WDR4: variants seen among roughly 807,000 people sequenced by gnomAD.
WDR4 encodes the protein WDR4 tRNA N7-guanosine methyltransferase non-catalytic subunit, also known as tRNA (guanine-N(7)-)-methyltransferase non-catalytic subunit WDR4.
Under a neutral mutation model 48.6 loss-of-function variants are expected in WDR4, and 47 were observed. The ratio of observed to expected loss-of-function variants is 0.97; its 90% CI spans 0.77 to 1.23. The LOEUF is 1.23. Ranked by LOEUF, WDR4 falls within the 50% of genes most tolerant of loss-of-function variation. WDR4 has a pLI of 0.00. For missense variants in WDR4, 606 were observed against 551.6 expected (o/e 1.10, Z -0.99); for synonymous variants, 268 against 230.0 (o/e 1.17, Z -1.49).
intron 10 of WDR4, 96 bp from the exon 11 acceptor site, chr21:42,850,338 C>A: frequency 8.5e-7 from 1 of 1,174,734 alleles, no homozygotes; most frequent in Non-Finnish European, 1.2e-6. Context: ...TACCTCGTGA[C>A]TCCCAGAGTC....
downstream of WDR4, among the ~76,000 whole-genome samples, chr21:42,846,009 GCAGTCC>G (rs2057708546): frequency 6.6e-6 from 1 of 152,074 alleles, no homozygotes; most frequent in Non-Finnish European, 1.5e-5. Context: ...GCACACACCT[GCAGTCC>G]CAGCTACTCA....
upstream of WDR4, among the ~76,000 whole-genome samples, chr21:42,884,428 C>T (rs962346740): frequency 1.3e-5 from 2 of 152,018 alleles, no homozygotes; most frequent in Non-Finnish European, 2.9e-5. Context: ...GTGGGTGGAT[C>T]ACAAGGTCAG....
In WDR4 at chr21:42,863,961, G is replaced by A. The variant is rs78972923; in HGVS notation, c.297-365C>T. On this transcript the variant is annotated intron_variant, in intron 3 of 10. Coordinates refer to ENST00000398208, the MANE Select transcript of WDR4 (RefSeq NM_018669.6). Reference sequence around the variant, plus strand: ...TCTCTACTAAAAATACAAAAAATTAGCCAGGCGTGGTGGCGGGCGCCTGTA... The same window carrying A: ...TCTCTACTAAAAATACAAAAAATTAACCAGGCGTGGTGGCGGGCGCCTGTA... Among the ~76,000 whole-genome samples, 6 of 82,874 alleles carry A rather than the reference G, an allele frequency of 7.2e-5. 2 individuals are homozygous for A. Among genetic ancestry groups the A allele is most frequent in the African/African-American group, 1.9e-4 (2 of 10,300 alleles). The allele number at this position is 82,874 out of a possible 152,430, so 54.4% of individuals were successfully genotyped here.
chr21:42,890,467 C>T, the WDR4 span, among the ~76,000 whole-genome samples: 1 of 151,856 alleles, frequency 6.6e-6, no homozygotes, highest in Non-Finnish European at 1.5e-5. Context: ...ACCCAGGAGG[C>T]GGAGGTTTCA....
At chr21:42,879,638 G>A (rs1182322948), upstream of WDR4, 2 of 1,065,846 alleles carry the variant, frequency 1.9e-6, no homozygotes, top group Non-Finnish European at 1.3e-6. Context: ...CCTGCCTTGA[G>A]CATGCGTGAA....
chr21:42,888,436 G>A, the WDR4 span, among the ~76,000 whole-genome samples: 2 of 152,102 alleles, frequency 1.3e-5, no homozygotes, highest in African/African-American at 4.8e-5. Flanking sequence ...CTGTGCACCT[G>A]TAGTCCCAGC....
At chr21:42,882,081 G>A (rs1005997965), upstream of WDR4, among the ~76,000 whole-genome samples, 3 of 151,856 alleles carry the variant, frequency 2.0e-5, no homozygotes, top group Non-Finnish European at 2.9e-5. Context: ...GATTACAGGC[G>A]TGATCCATGA....
At chr21:42,856,364 CTCTT>C (rs973492740) in intron 6 of WDR4, among the ~76,000 whole-genome samples, 7 of 152,188 alleles carry the variant, frequency 4.6e-5, no homozygotes, top group African/African-American at 1.7e-4. Flanking sequence ...AAAAGCGTTT[CTCTT>C]TTTTTTCTTG....
Position 42,862,717 on chromosome 21 carries a change from A to G in WDR4, c.454-323T>C, listed in dbSNP as rs914192. Among the ~76,000 whole-genome samples the G allele has an allele frequency of 0.56, 84,392 of 151,946 alleles. 24,316 individuals carry two copies. Among genetic ancestry groups the G allele is most frequent in the African/African-American group, 0.7 (29,032 of 41,456 alleles). On this transcript the variant is annotated intron_variant, in intron 4 of 10. Transcript: ENST00000398208. This position sits in a 1 kb window ranked among gnomAD's most constrained non-coding sequence, Gnocchi z 4.3. ...GGCCCCACGCCCATTTCCACCCGCC[A>G]CAGGCCTGCTGCACCCTCCTGCCCA...
chr21:42,867,927 G>A (rs955256035), intron 3 of WDR4, among the ~76,000 whole-genome samples: 6 of 152,026 alleles, frequency 3.9e-5, no homozygotes, highest in African/African-American at 1.4e-4. Context: ...TTCAAAAGAC[G>A]AGTCAACACA....
chr21:42,868,505 G>C (rs2058299246), intron 3 of WDR4, among the ~76,000 whole-genome samples: 1 of 152,184 alleles, frequency 6.6e-6, no homozygotes, highest in African/African-American at 2.4e-5. Context: ...GCCAGACCCA[G>C]CCTCCCCTAC....
chr21:42,877,750 A>C (rs922559876), intron 1 of WDR4, among the ~76,000 whole-genome samples: 1 of 152,210 alleles, frequency 6.6e-6, no homozygotes, highest in African/African-American at 2.4e-5. Flanking sequence ...CGACATGGTT[A>C]TAAGAAATTA....
chr21:42,879,361 G>C lies in WDR4; in HGVS notation c.89+46C>G, dbSNP rs553033322. 2.5e-6 allele frequency: 4 copies of C among 1,597,128 alleles called. No homozygotes were observed. The South Asian group carries it at 4.4e-5, about 18-fold the overall frequency. On this transcript the variant is annotated intron_variant, in intron 1 of 10. Coordinates refer to ENST00000398208, the MANE Select transcript of WDR4 (RefSeq NM_018669.6). ...AAGCGGGGTCGCCAGGACCCGACGCGCGCCCGCAGCCTGGTCTCCCTGTTC... is the reference window on the plus strand; with the variant it reads ...AAGCGGGGTCGCCAGGACCCGACGCCCGCCCGCAGCCTGGTCTCCCTGTTC...
rs2057770579 is a variant in WDR4 at position 42,849,799 on chromosome 21, A to C, written c.*250T>G. The C allele has an allele frequency of 2.2e-5, 10 of 450,910 alleles. No homozygotes were observed. The South Asian group carries it at 2.9e-4, about 13-fold the overall frequency. The allele number at this position is 450,910 out of a possible 1,614,324, so 27.9% of individuals were successfully genotyped here. ...CACACGCAGCCTCCGACATGAAAAG[A>C]AAGTGCTTCAAGAGCTTCCACTCCA... On this transcript the variant is annotated 3_prime_UTR_variant, in exon 11 of 11. Transcript: ENST00000398208.
At chr21:42,854,246 C>G (rs2057923851) in intron 8 of WDR4, among the ~76,000 whole-genome samples, 1 of 152,238 alleles carries the variant, frequency 6.6e-6, no homozygotes, top group Non-Finnish European at 1.5e-5. Flanking sequence ...CCGACCAGCC[C>G]CGAGCCGGGA....
chr21:42,873,390 C>T (rs1187945775), intron 3 of WDR4, among the ~76,000 whole-genome samples, 161 bp downstream of exon 3: 1 of 151,948 alleles, frequency 6.6e-6, no homozygotes, highest in Non-Finnish European at 1.5e-5. Context: ...TCAGATCAGC[C>T]AACACACATG....
intron 2 of WDR4, among the ~76,000 whole-genome samples, chr21:42,875,156 C>T (rs933794113): frequency 2.0e-5 from 3 of 152,146 alleles, no homozygotes; most frequent in African/African-American, 7.2e-5. Flanking sequence ...GGCTGAATTT[C>T]CCCCAATACT....
At chr21:42,872,990 GCT>G (rs2058406533) in intron 3 of WDR4, among the ~76,000 whole-genome samples, 1 of 152,190 alleles carries the variant, frequency 6.6e-6, no homozygotes, top group Non-Finnish European at 1.5e-5. Flanking sequence ...TCCGGACTTT[GCT>G]AAGTAAGAGG....
Position 42,876,781 on chromosome 21 carries a change from A to G in WDR4, c.90-14T>C, listed in dbSNP as rs1418157002. The G allele has an allele frequency of 6.2e-7, 1 of 1,602,218 alleles. No individual in the cohort carries two copies. The highest frequency in any genetic ancestry group is 8.5e-7 in the Non-Finnish European group (1 of 1,176,682). The stretch of plus-strand genomic sequence containing the variant: ...CTGTCATCATCACTAAAGAGAAATA[A>G]CAATAATTTTAAAAGGAGTTATCAT... On this transcript the variant is annotated splice_polypyrimidine_tract_variant and intron_variant, in intron 1 of 10. Transcript: ENST00000398208.
Sources: gnomAD v4.1 joint callset for allele counts (sites outside exome capture counted in the v4.1 genomes callset) on GRCh38, gnomAD v4.1.1 for gene constraint, Gnocchi (gnomAD v3.1) non-coding constraint, MANE v1.5 for transcripts, NCBI Gene and HGNC (gene_info 2026-07-23, HGNC 2026-07-21) for gene names.